PDPR: variants seen among roughly 807,000 people sequenced by gnomAD.
PDPR encodes the protein pyruvate dehydrogenase phosphatase regulatory subunit, mitochondrial.
In PDPR, 50 loss-of-function variants were observed where a neutral mutation model predicts 102.2. The ratio of observed to expected loss-of-function variants is 0.49; its 90% confidence interval spans 0.39 to 0.62. PDPR has a LOEUF of 0.62. PDPR is among the 20% of genes least tolerant of loss of function. PDPR has a pLI of 0.00. For synonymous variants in PDPR, 259 were observed against 406.0 expected, an observed-to-expected ratio of 0.64 and a Z score of 4.35; for missense variants, 625 against 1,098.2, an observed-to-expected ratio of 0.57 and a Z score of 6.09.
At position 70,127,307 on chromosome 16, in the gene PDPR, C is replaced by A. The variant is rs375363505; in HGVS notation, c.275C>A (p.Ala92Asp). 6.2e-7 allele frequency: 1 copy of A among 1,609,922 alleles called. No homozygotes were observed. The highest frequency in any genetic ancestry group is 1.3e-5 in the African/African-American group (1 of 74,912). Residue 92 changes from alanine to aspartate, a missense_variant, in exon 4 of 19, where the codon GCC becomes GAC. Ala to Asp is a moderately radical substitution (Grantham distance 126). Around this residue, in one of 11 missense-constraint regions of PDPR, gnomAD observed 24 missense variants for 61.7 expected, o/e 0.39. Coordinates refer to ENST00000288050, the MANE Select transcript of PDPR (RefSeq NM_017990.5). ...TTCTGTGCTGGCATCCTGAGCACTG[C>A]CAGGCACTTGACCATTGAGCAGAAG... ...TRFCAGILST[A>D]RHLTIEQKMA...
chr16:70,135,301 A>G (rs1965008621), intron 9 of PDPR, among the ~76,000 whole-genome samples: 1 of 149,352 alleles, frequency 6.7e-6, no homozygotes, highest in African/African-American at 2.5e-5. Flanking sequence ...CAGTGTCACG[A>G]TCTCTGCTCA....
At chr16:70,126,582 T>C (rs1290922365) in intron 3 of PDPR, among the ~76,000 whole-genome samples, 8 of 152,254 alleles carry the variant, frequency 5.3e-5, no homozygotes, top group Admixed American at 5.2e-4. Flanking sequence ...CCAAGATGGT[T>C]TCGATCTCCT....
At chr16:70,130,098 G>A (rs565214015) in intron 6 of PDPR, among the ~76,000 whole-genome samples, 1 of 152,364 alleles carries the variant, frequency 6.6e-6, no homozygotes, top group South Asian at 2.1e-4. Context: ...TTCAAGACCA[G>A]GCTGACCAAC....
At chr16:70,124,807 A>G (rs1235853484) in intron 3 of PDPR, among the ~76,000 whole-genome samples, 3 of 152,256 alleles carry the variant, frequency 2.0e-5, no homozygotes, top group African/African-American at 7.2e-5. Context: ...TGTGGAAAAT[A>G]TAATTATTAG....
intron 2 of PDPR, among the ~76,000 whole-genome samples, chr16:70,118,156 G>A (rs1281950839): frequency 6.6e-6 from 1 of 152,018 alleles, no homozygotes; most frequent in East Asian, 1.9e-4. Flanking sequence ...GCAGGTACAT[G>A]AAAGAGAGAT....
intron 16 of PDPR, chr16:70,147,446 T>C: frequency 2.7e-6 from 1 of 371,008 alleles, no homozygotes; most frequent in Non-Finnish European, 5.3e-6. Context: ...GCCTCTTTTC[T>C]GTACACAGAG....
At chr16:70,155,802 C>CTT (rs60054362) in intron 18 of PDPR, among the ~76,000 whole-genome samples, 29,420 of 137,536 alleles carry the variant, frequency 0.21, 1,017 homozygotes, top group Non-Finnish European at 0.28. Flanking sequence ...ATAAAAAAGT[C>CTT]TTTTTTTTTT....
At chr16:70,153,682 C>T (rs1217314935) in intron 18 of PDPR, 109 bp downstream of exon 18, 2 of 1,208,480 alleles carry the variant, frequency 1.7e-6, no homozygotes, top group African/African-American at 1.6e-5. Flanking sequence ...AAGATTGAGG[C>T]CTTGATGTTA....
At position 70,157,389 on chromosome 16, in the gene PDPR, TGCTGTGG is replaced by T. The variant is rs1397293966; in HGVS notation, c.*515_*521del. The stretch of plus-strand genomic sequence containing the variant: ...GGCAGCTCGTTCTCCTGTTCTGCTG[TGCTGTGG>T]GCTGGCACTCGATACCTCTGGCAAG... On this transcript the variant is annotated 3_prime_UTR_variant, in exon 19 of 19. Transcript: ENST00000288050. The T allele has an allele frequency of 8.3e-6, 3 of 363,272 alleles. No homozygotes were observed. The East Asian group carries it at 2.2e-4, about 27-fold the overall frequency. The allele number at this position is 363,272 out of a possible 1,614,324, so 22.5% of individuals were successfully genotyped here. A position where few individuals can be genotyped will look rare whatever the true frequency, so the allele number is the denominator to read the frequency against.
intron 3 of PDPR, among the ~76,000 whole-genome samples, chr16:70,125,533 G>C (rs1483415905): frequency 3.0e-5 from 4 of 133,844 alleles, no homozygotes; most frequent in Non-Finnish European, 6.2e-5. Context: ...CAGCCTGGGT[G>C]ACAAGGGAAA....
At chr16:70,121,188 T>A (rs986469640) in intron 3 of PDPR, among the ~76,000 whole-genome samples, 3 of 152,100 alleles carry the variant, frequency 2.0e-5, no homozygotes, top group African/African-American at 7.2e-5. Context: ...GCTAGGTTCT[T>A]AATATTGTTC....
At chr16:70,131,934 C>G in intron 8 of PDPR, 1 of 1,490,634 alleles carries the variant, frequency 6.7e-7, no homozygotes, top group Non-Finnish European at 8.9e-7. Context: ...ATCAGAGAAA[C>G]AGTCTCCACT....
chr16:70,140,457 GCTT>G (rs1965593730), intron 11 of PDPR, among the ~76,000 whole-genome samples: 1 of 152,254 alleles, frequency 6.6e-6, no homozygotes, highest in South Asian at 2.1e-4. Flanking sequence ...TTGAGCTTGA[GCTT>G]CTGCTTGGTG....
In PDPR at chr16:70,159,357, G is replaced by C. The variant is rs1052218997; in HGVS notation, c.*2478G>C. 25 of 152,508 alleles carry C rather than the reference G, an allele frequency of 1.6e-4. No homozygotes were observed. Among genetic ancestry groups the C allele is most frequent in the Non-Finnish European group, 3.1e-4 (21 of 68,214 alleles). The allele number at this position is 152,508 out of a possible 1,614,324, so 9.4% of individuals were successfully genotyped here. On this transcript the variant is annotated 3_prime_UTR_variant, in exon 19 of 19. Coordinates refer to ENST00000288050, the MANE Select transcript of PDPR (RefSeq NM_017990.5). Reference sequence around the variant, plus strand: ...GCTTGTCTTGCTAGGAGAGGAGGATGGGGGGCTGAGCACTCAGGCTGTCCA... The same window carrying C: ...GCTTGTCTTGCTAGGAGAGGAGGATCGGGGGCTGAGCACTCAGGCTGTCCA...
At chr16:70,133,207 C>T (rs1158903910) in intron 9 of PDPR, among the ~76,000 whole-genome samples, 3 of 150,010 alleles carry the variant, frequency 2.0e-5, no homozygotes, top group African/African-American at 7.4e-5. Flanking sequence ...CTCTGCCTCC[C>T]CGGTTCAAGT....
chr16:70,138,038 C>CT (rs200071207), intron 10 of PDPR, among the ~76,000 whole-genome samples: 38,066 of 117,602 alleles, frequency 0.32, 5,206 homozygotes, highest in East Asian at 0.53. Context: ...ATACCCAGCT[C>CT]TTTTTTTTTT....
chr16:70,123,204 C>T (rs2152066060), intron 3 of PDPR, among the ~76,000 whole-genome samples: 1 of 152,330 alleles, frequency 6.6e-6, no homozygotes, highest in African/African-American at 2.4e-5. Flanking sequence ...GCCCGGCCCG[C>T]AGTGGATACT....
chr16:70,143,105 C>T (rs190354431), intron 13 of PDPR, among the ~76,000 whole-genome samples: 29 of 152,328 alleles, frequency 1.9e-4, no homozygotes, highest in African/African-American at 5.5e-4. Flanking sequence ...AGGAGAATCG[C>T]GTGAACTCAT....
rs1031185734 is a variant in PDPR, at chr16:70,156,957, G to A, written c.*78G>A. On this transcript the variant is annotated 3_prime_UTR_variant, in exon 19 of 19. Coordinates refer to ENST00000288050, the MANE Select transcript of PDPR (RefSeq NM_017990.5). ...TCACCTTGGAGCTTCTCTTCCTTCC[G>A]CCTCTGTTCCTCTTCTGGAGCCTTT... 1.6e-5 allele frequency: 25 copies of A among 1,540,980 alleles called. No homozygotes were observed. Among genetic ancestry groups the A allele is most frequent in the African/African-American group, 5.5e-5 (4 of 72,844 alleles).
Sources: allele counts gnomAD v4.1 joint callset (sites outside exome capture counted in the v4.1 genomes callset), GRCh38; gene constraint gnomAD v4.1.1; regional missense constraint gnomAD v4.1.1; transcripts MANE v1.5; gene names NCBI Gene and HGNC (gene_info 2026-07-23, HGNC 2026-07-21).